ADGRB3: variants seen among roughly 807,000 people sequenced by gnomAD.
ADGRB3 encodes brain-specific angiogenesis inhibitor 3.
A neutral mutation model predicts 193.4 loss-of-function variants in ADGRB3; 37 were observed. That is an observed-to-expected ratio of 0.19 (90% confidence interval 0.15 to 0.25). ADGRB3 has a LOEUF of 0.25. Among genes scored for constraint, ADGRB3 ranks in the 10% least tolerant of loss-of-function variants. The pLI, the probability that ADGRB3 is intolerant of heterozygous loss-of-function variation, is 1.00. For synonymous variants in ADGRB3, 690 were observed against 644.2 expected (o/e 1.07, Z -1.08); for missense variants, 1,637 against 1,852.9 (o/e 0.88, Z 2.14).
At chr6:68,679,949 G>A (rs1387118979) in intron 3 of ADGRB3, among the ~76,000 whole-genome samples, 1 of 152,122 alleles carries the variant, frequency 6.6e-6, no homozygotes, top group Non-Finnish European at 1.5e-5. Context: ...CCAACGGAAG[G>A]TATTAGGAGG....
At chr6:68,850,345 C>G (rs1440543037) in intron 3 of ADGRB3, among the ~76,000 whole-genome samples, 2 of 151,922 alleles carry the variant, frequency 1.3e-5, no homozygotes, top group African/African-American at 4.8e-5. Context: ...GCCTTTATCT[C>G]TGAATAACAT....
At chr6:68,879,660 G>A (rs1765684245) in intron 3 of ADGRB3, among the ~76,000 whole-genome samples, 1 of 152,082 alleles carries the variant, frequency 6.6e-6, no homozygotes, top group South Asian at 2.1e-4. Flanking sequence ...TGGTCTTGGG[G>A]AAAGTTTCAG....
chr6:68,780,276 T>C (rs908299168), intron 3 of ADGRB3, among the ~76,000 whole-genome samples: 4 of 152,068 alleles, frequency 2.6e-5, no homozygotes, highest in Admixed American at 6.6e-5. Flanking sequence ...GGAGATATAA[T>C]GGGACGGTGA....
At chr6:69,062,469 G>A (rs1771778324) in intron 15 of ADGRB3, among the ~76,000 whole-genome samples, 1 of 151,872 alleles carries the variant, frequency 6.6e-6, no homozygotes, top group South Asian at 2.1e-4. Flanking sequence ...TTGCTCTAAT[G>A]TTACTCCACA....
intron 6 of ADGRB3, among the ~76,000 whole-genome samples, chr6:68,953,207 A>G (rs1019494111): frequency 1.4e-4 from 22 of 152,156 alleles, no homozygotes; most frequent in African/African-American, 5.1e-4. Flanking sequence ...CAGAAAACAT[A>G]TAACTATTGC....
At chr6:69,061,544 T>C (rs1333803742) in intron 15 of ADGRB3, among the ~76,000 whole-genome samples, 1 of 152,002 alleles carries the variant, frequency 6.6e-6, no homozygotes, top group Admixed American at 6.6e-5. Context: ...CTTAGACATA[T>C]GAAAATATAT....
chr6:68,642,738 T>C lies in ADGRB3; in HGVS notation c.757+3306T>C, dbSNP rs1201114536. On this transcript the variant is annotated intron_variant, in intron 3 of 31. Coordinates refer to ENST00000370598, the MANE Select transcript of ADGRB3 (RefSeq NM_001704.3). ...TTAACAAAATGAAGCCTTTTTTTTT[T>C]TTCCAAATAAAAATGTCTTATTTCA... 3.3e-5 allele frequency among the ~76,000 whole-genome samples: 5 copies of C among 152,024 alleles called. No individual in the cohort carries two copies. The East Asian group carries it at 9.7e-4, about 29-fold the overall frequency.
At chr6:69,220,386 G>A (rs569386888) in intron 17 of ADGRB3, among the ~76,000 whole-genome samples, 1 of 152,252 alleles carries the variant, frequency 6.6e-6, no homozygotes, top group South Asian at 2.1e-4. Context: ...TACTTGGTCA[G>A]TTACTAAAAA....
At chr6:68,900,969 C>T (rs915680447) in intron 3 of ADGRB3, among the ~76,000 whole-genome samples, 1 of 152,052 alleles carries the variant, frequency 6.6e-6, no homozygotes, top group African/African-American at 2.4e-5. Flanking sequence ...ATTCATTTCC[C>T]AGGAAATAAA....
intron 3 of ADGRB3, among the ~76,000 whole-genome samples, chr6:68,728,360 G>A (rs1420174329): frequency 1.3e-5 from 2 of 150,864 alleles, no homozygotes; most frequent in African/African-American, 4.9e-5. Context: ...GTTCTTGGCA[G>A]TCTATGAAAA....
chr6:68,974,090 A>G (rs1281994556), intron 8 of ADGRB3, among the ~76,000 whole-genome samples: 3 of 152,118 alleles, frequency 2.0e-5, no homozygotes, highest in Admixed American at 6.6e-5. Context: ...TTTATTTTTA[A>G]CATTTAATAG....
intron 22 of ADGRB3, among the ~76,000 whole-genome samples, chr6:69,328,819 A>G (rs562776320): frequency 6.6e-6 from 1 of 152,298 alleles, no homozygotes; most frequent in African/African-American, 2.4e-5. Flanking sequence ...ACTGGTTACT[A>G]CAGCACTAGC....
chr6:69,172,988 C>A (rs1403873620), intron 17 of ADGRB3, among the ~76,000 whole-genome samples: 9 of 152,114 alleles, frequency 5.9e-5, no homozygotes, highest in Admixed American at 5.9e-4. Context: ...TCAGTCAGGG[C>A]CCTTTAGGCC....
intron 3 of ADGRB3, among the ~76,000 whole-genome samples, chr6:68,770,942 T>G (rs1206814918): frequency 6.6e-6 from 1 of 152,096 alleles, no homozygotes; most frequent in African/African-American, 2.4e-5. Context: ...TAAAAGTTAG[T>G]ATCTCTGAGC....
intron 30 of ADGRB3, 76 bp from the exon 31 acceptor site, chr6:69,382,755 C>A: frequency 1.8e-6 from 2 of 1,124,458 alleles, no homozygotes; most frequent in Non-Finnish European, 2.5e-6. Context: ...ATTATTAAAG[C>A]AAAAATATTA....
chr6:68,864,262 G>A (rs1015646600), intron 3 of ADGRB3, among the ~76,000 whole-genome samples: 4 of 152,120 alleles, frequency 2.6e-5, no homozygotes, highest in Non-Finnish European at 5.9e-5. Flanking sequence ...TTAAGTTATG[G>A]CACTTATAGT....
intron 17 of ADGRB3, among the ~76,000 whole-genome samples, chr6:69,122,379 A>G (rs1482889458): frequency 6.7e-6 from 1 of 148,560 alleles, no homozygotes; most frequent in Non-Finnish European, 1.5e-5. Context: ...AGCCCGGGGC[A>G]GGGAGGCTGC....
At chr6:68,703,135 G>T (rs1168068273) in intron 3 of ADGRB3, among the ~76,000 whole-genome samples, 1 of 152,072 alleles carries the variant, frequency 6.6e-6, no homozygotes, top group Admixed American at 6.6e-5. Flanking sequence ...AAGGTGATGG[G>T]TATATAACTG....
chr6:68,897,836 AAG>A (rs1216064404), intron 3 of ADGRB3, among the ~76,000 whole-genome samples: 1 of 148,826 alleles, frequency 6.7e-6, no homozygotes, highest in East Asian at 2.0e-4. Flanking sequence ...AGGAGAGAAA[AAG>A]AGAAAGAAAG....
Sources: allele counts gnomAD v4.1 joint callset (sites outside exome capture counted in the v4.1 genomes callset), GRCh38; gene constraint gnomAD v4.1.1; transcripts MANE v1.5; gene names NCBI Gene and HGNC (gene_info 2026-07-23, HGNC 2026-07-21).